Variants in ANO4 observed in about 807,000 individuals in gnomAD.
The protein encoded by ANO4 is anoctamin 4.
ANO4 carries 69 observed loss-of-function variants against 141.9 expected under a neutral mutation model. The observed-to-expected ratio is 0.49, with a 90% CI of 0.40 to 0.59. ANO4 has a LOEUF of 0.59. Among genes scored for constraint, ANO4 ranks in the 20% least tolerant of loss-of-function variants. The pLI, the probability that ANO4 is intolerant of heterozygous loss-of-function variation, is 0.00. For synonymous variants in ANO4, 350 were observed against 394.3 expected, an observed-to-expected ratio of 0.89 and a Z score of 1.33; for missense variants, 894 against 1,162.2, an observed-to-expected ratio of 0.77 and a Z score of 3.36.
intron 3 of ANO4, among the ~76,000 whole-genome samples, chr12:100,926,923 A>C (rs1592738768): frequency 6.6e-6 from 1 of 152,048 alleles, no homozygotes; most frequent in Non-Finnish European, 1.5e-5. Flanking sequence ...AGCCACCTGA[A>C]CTGTCAGTCA....
chr12:101,009,055 T>C (rs1243090764), intron 8 of ANO4, among the ~76,000 whole-genome samples: 5 of 152,156 alleles, frequency 3.3e-5, no homozygotes, highest in African/African-American at 4.8e-5. Flanking sequence ...TGCATACTGT[T>C]ATGGGTCAAA....
intron 1 of ANO4, among the ~76,000 whole-genome samples, chr12:100,855,120 T>C (rs2038095844): frequency 6.6e-6 from 1 of 152,174 alleles, no homozygotes; most frequent in Non-Finnish European, 1.5e-5. Context: ...TCTTTGTTTC[T>C]ATAGCTGGGG....
At chr12:101,032,011 A>G (rs534080287) in intron 9 of ANO4, among the ~76,000 whole-genome samples, 33 of 152,350 alleles carry the variant, frequency 2.2e-4, no homozygotes, top group African/African-American at 7.7e-4. Context: ...TACTGCCCAA[A>G]GTAATTTATA....
At chr12:101,045,292 A>C (rs1329508050) in intron 13 of ANO4, among the ~76,000 whole-genome samples, 1 of 152,212 alleles carries the variant, frequency 6.6e-6, no homozygotes, top group Non-Finnish European at 1.5e-5. Flanking sequence ...AAAATTACTC[A>C]TGCATGGTCA....
At chr12:100,977,755 A>G (rs1380934892) in intron 7 of ANO4, among the ~76,000 whole-genome samples, 1 of 152,106 alleles carries the variant, frequency 6.6e-6, no homozygotes, top group Non-Finnish European at 1.5e-5. Flanking sequence ...TCTCCTGAGT[A>G]GCAAATCTGA....
intron 2 of ANO4, among the ~76,000 whole-genome samples, chr12:100,909,325 A>G (rs971160013): frequency 1.3e-5 from 2 of 152,194 alleles, no homozygotes; most frequent in African/African-American, 4.8e-5. Flanking sequence ...GGTTGGACAG[A>G]CAGTGCTGAG....
At chr12:100,963,012 C>T (rs1461019881) in intron 5 of ANO4, among the ~76,000 whole-genome samples, 1 of 152,090 alleles carries the variant, frequency 6.6e-6, no homozygotes, top group African/African-American at 2.4e-5. Context: ...AAAGATGGCT[C>T]CTGGACTTGA....
At chr12:100,736,010 T>C (rs903907493) in intron 2 of ANO4, among the ~76,000 whole-genome samples, 17 of 151,982 alleles carry the variant, frequency 1.1e-4, no homozygotes, top group Non-Finnish European at 2.5e-4. Context: ...ACGGTGAGGG[T>C]AGAAATAATG....
At chr12:100,950,742 GAGGTCTGTGAAGGTGGTGAGAGGT>G in intron 5 of ANO4, among the ~76,000 whole-genome samples, 1 of 152,328 alleles carries the variant, frequency 6.6e-6, no homozygotes, top group African/African-American at 2.4e-5. Flanking sequence ...GTCATTGGCT[GAGGTCTGTGAAGGTGGTGAGAGGT>G]AGGCACTGTC....
At chr12:100,816,377 G>C (rs911463946) in intron 1 of ANO4, among the ~76,000 whole-genome samples, 3 of 151,942 alleles carry the variant, frequency 2.0e-5, no homozygotes, top group Admixed American at 2.0e-4. Context: ...AAAGATGAGT[G>C]GTCCATTATC....
At chr12:101,012,049 A>G (rs1416173026) in intron 8 of ANO4, among the ~76,000 whole-genome samples, 1 of 152,196 alleles carries the variant, frequency 6.6e-6, no homozygotes, top group Non-Finnish European at 1.5e-5. Context: ...CATACAAAGC[A>G]TCATTATAAA....
chr12:100,847,643 T>C (rs1048683113), intron 1 of ANO4, among the ~76,000 whole-genome samples: 17 of 152,226 alleles, frequency 1.1e-4, no homozygotes, highest in African/African-American at 3.9e-4. Context: ...GGCTAATTTT[T>C]TGTATTTTTA....
intron 1 of ANO4, among the ~76,000 whole-genome samples, chr12:100,732,925 G>A (rs1023552180): frequency 1.3e-5 from 2 of 152,256 alleles, no homozygotes; most frequent in African/African-American, 2.4e-5. Context: ...AACATTTTCT[G>A]TTCACGGTAA....
intron 1 of ANO4, among the ~76,000 whole-genome samples, chr12:100,861,683 A>C (rs73159511): frequency 0.01 from 1,581 of 152,314 alleles, 11 homozygotes; most frequent in Non-Finnish European, 0.019. Context: ...TCACTGTTAA[A>C]TTAACCTTAG....
intron 8 of ANO4, among the ~76,000 whole-genome samples, chr12:101,007,920 AT>A (rs1566119613): frequency 6.6e-6 from 1 of 152,128 alleles, no homozygotes; most frequent in Admixed American, 6.6e-5. Context: ...AGCTGCCCAC[AT>A]GTTTACAATA....
At chr12:100,854,865 G>A (rs1443345427) in intron 1 of ANO4, among the ~76,000 whole-genome samples, 7 of 152,046 alleles carry the variant, frequency 4.6e-5, no homozygotes, top group African/African-American at 1.7e-4. Context: ...GATAGTTGTT[G>A]TTTGTATGTA....
At chr12:100,845,680 A>T (rs1006973877) in intron 1 of ANO4, among the ~76,000 whole-genome samples, 3 of 152,210 alleles carry the variant, frequency 2.0e-5, no homozygotes, top group Non-Finnish European at 4.4e-5. Context: ...AGAATTAAGA[A>T]AAAGCACAAT....
At chr12:100,813,580 A>G (rs1720752353) in intron 1 of ANO4, among the ~76,000 whole-genome samples, 1 of 152,212 alleles carries the variant, frequency 6.6e-6, no homozygotes, top group South Asian at 2.1e-4. Flanking sequence ...TTTGCAGAGA[A>G]GTATGGTAGT....
At chr12:100,908,948 T>C (rs1430832928) in intron 2 of ANO4, among the ~76,000 whole-genome samples, 1 of 152,232 alleles carries the variant, frequency 6.6e-6, no homozygotes, top group Admixed American at 6.5e-5. Flanking sequence ...CAAGGATTTA[T>C]TGGGAATTTG....
Sources: gnomAD v4.1 joint callset for allele counts (sites outside exome capture counted in the v4.1 genomes callset) on GRCh38, gnomAD v4.1.1 for gene constraint, MANE v1.5 for transcripts, NCBI Gene and HGNC (gene_info 2026-07-23, HGNC 2026-07-21) for gene names.